Variants in TTC17 observed in about 807,000 individuals in gnomAD.
TTC17 encodes tetratricopeptide repeat protein 17.
Under a neutral mutation model 143.8 loss-of-function variants are expected in TTC17, and 58 were observed. The observed-to-expected ratio is 0.40, with a 90% CI of 0.33 to 0.50. TTC17 has a LOEUF of 0.50. TTC17 is among the 20% of genes least tolerant of loss of function. The pLI is 0.49. For synonymous variants in TTC17, 501 were observed against 497.8 expected (o/e 1.01, Z -0.09); for missense variants, 1,273 against 1,392.5 (o/e 0.91, Z 1.37).
At chr11:43,447,647 T>C in intron 18 of TTC17, 1 of 176,454 alleles carries the variant, frequency 5.7e-6, no homozygotes, top group Non-Finnish European at 1.2e-5. Flanking sequence ...ATGTTTCTAC[T>C]AAGTTGGAGT....
intron 2 of TTC17, among the ~76,000 whole-genome samples, chr11:43,389,192 C>G (rs571588322): frequency 1.3e-5 from 2 of 150,888 alleles, no homozygotes; most frequent in Non-Finnish European, 2.9e-5. Flanking sequence ...ATGATAGATA[C>G]GGGTGGTGAA....
In TTC17 at chr11:43,444,070, C is replaced by G; in HGVS notation, c.2526C>G (p.Val842=). The change falls in exon 18 of 24, where the codon GTC becomes GTG. Residue 842 remains valine, a synonymous_variant. Coordinates refer to ENST00000039989, the MANE Select transcript of TTC17 (RefSeq NM_018259.6). ...DEATEWITFQ[V]KRVKKPKGDH... is the part of the protein sequence containing the mutation. Reference sequence around the variant, plus strand: ...CTGTTTCCCAGATTACATTCCAGGTCAAACGTGTAAAGAAACCCAAAGGAG... The same window carrying G: ...CTGTTTCCCAGATTACATTCCAGGTGAAACGTGTAAAGAAACCCAAAGGAG... 1.2e-6 allele frequency: 2 copies of G among 1,607,698 alleles called. No individual in the cohort carries two copies. The highest frequency in any genetic ancestry group is 2.2e-5 in the South Asian group (2 of 89,198).
At chr11:43,376,523 A>G (rs977831836) in intron 1 of TTC17, among the ~76,000 whole-genome samples, 1 of 152,240 alleles carries the variant, frequency 6.6e-6, no homozygotes, top group Non-Finnish European at 1.5e-5. Flanking sequence ...TGAAAAAGCC[A>G]TAAAGTGCTT....
At chr11:43,400,861 A>G (rs990089093) in intron 9 of TTC17, among the ~76,000 whole-genome samples, 1 of 152,218 alleles carries the variant, frequency 6.6e-6, no homozygotes, top group East Asian at 1.9e-4. Context: ...TGACAACTCA[A>G]TAACAGAGAA....
intron 21 of TTC17, among the ~76,000 whole-genome samples, chr11:43,457,925 T>C (rs1477904982): frequency 6.6e-6 from 1 of 151,936 alleles, no homozygotes; most frequent in East Asian, 1.9e-4. Flanking sequence ...TGTTCCAAAA[T>C]GGATGAAAGG....
intron 21 of TTC17, chr11:43,489,915 A>T (rs928144910): frequency 1.8e-5 from 3 of 165,624 alleles, no homozygotes; most frequent in African/African-American, 7.1e-5. Context: ...TGACTGTGTT[A>T]CCTATTCAGA....
At chr11:43,408,916 A>G (rs1858272055) in intron 15 of TTC17, among the ~76,000 whole-genome samples, 2 of 151,524 alleles carry the variant, frequency 1.3e-5, no homozygotes, top group African/African-American at 4.9e-5. Flanking sequence ...TGAATTTTGT[A>G]TTTTTTTGTA....
rs143793980 is a variant in TTC17, at chr11:43,485,530, TAAAG to T, written c.3031-4704_3031-4701del. On this transcript the variant is annotated intron_variant, in intron 21 of 23. Transcript: ENST00000039989. ...TATATTAAAGTTTAATTGTTTTAAT[TAAAG>T]AAAGGCAGGCCAGGGAGAAAACATG... Among the ~76,000 whole-genome samples, 56 of 152,280 alleles carry T rather than the reference TAAAG, an allele frequency of 3.7e-4. 1 individual carries two copies. The South Asian group carries it at 5.8e-3, about 16-fold the overall frequency.
At chr11:43,366,671 A>G (rs1214665359) in intron 1 of TTC17, among the ~76,000 whole-genome samples, 2 of 152,170 alleles carry the variant, frequency 1.3e-5, no homozygotes, top group Admixed American at 6.5e-5. Flanking sequence ...ATCCCAGGAT[A>G]TGGTCCAAAC....
chr11:43,366,174 C>A (rs911785048), intron 1 of TTC17, among the ~76,000 whole-genome samples: 6 of 151,980 alleles, frequency 3.9e-5, no homozygotes, highest in African/African-American at 9.7e-5. Flanking sequence ...TTAGCCATCA[C>A]CAAGATCTTT....
At chr11:43,407,101 A>G in intron 13 of TTC17, 37 bp from the exon 14 acceptor site, 6 of 1,427,862 alleles carry the variant, frequency 4.2e-6, no homozygotes, top group Non-Finnish European at 5.7e-6. Flanking sequence ...CTTCCCTGTT[A>G]TTTTCAATTG....
chr11:43,485,080 A>G (rs1185655868), intron 21 of TTC17, among the ~76,000 whole-genome samples: 2 of 152,042 alleles, frequency 1.3e-5, no homozygotes. Flanking sequence ...ATTATTTCAC[A>G]GTGTAATAAT....
chr11:43,397,043 T>TGTAGATG, intron 6 of TTC17: 2 of 462,340 alleles, frequency 4.3e-6, no homozygotes, highest in East Asian at 6.1e-5. Context: ...GGAAAAAATA[T>TGTAGATG]GTAGATGCCC....
rs1029224777 is a variant in TTC17, at chr11:43,450,348, G to A, written c.2946+107G>A. ...CCGGGCCTTTTAAAAAAAAATAGGG[G>A]CTTTTTTCAGTTAGGCATCACCTAG... On this transcript the variant is annotated intron_variant, in intron 20 of 23. Transcript: ENST00000039989. 9.1e-6 allele frequency: 12 copies of A among 1,315,950 alleles called. No individual in the cohort carries two copies. The African/African-American group carries it at 1.5e-4, about 17-fold the overall frequency. 81.5% of individuals were successfully genotyped at this position (1,315,950 alleles called of 1,614,324 possible).
At chr11:43,452,699 G>A (rs1003602782) in intron 21 of TTC17, among the ~76,000 whole-genome samples, 9 of 152,148 alleles carry the variant, frequency 5.9e-5, no homozygotes, top group Non-Finnish European at 1.3e-4. Context: ...CACTTTGGTG[G>A]ACAAGGCAGG....
At chr11:43,393,615 G>C (rs970315978) in intron 5 of TTC17, among the ~76,000 whole-genome samples, 4 of 152,174 alleles carry the variant, frequency 2.6e-5, no homozygotes, top group African/African-American at 7.2e-5. Context: ...CTCCCCGAAG[G>C]ACAGGGGGAG....
chr11:43,400,978 T>C (rs1316747620), intron 9 of TTC17, among the ~76,000 whole-genome samples: 1 of 152,252 alleles, frequency 6.6e-6, no homozygotes, highest in Non-Finnish European at 1.5e-5. Context: ...TAGTTTATTT[T>C]ACAATTCCCT....
chr11:43,457,493 G>C (rs971630018), intron 21 of TTC17, among the ~76,000 whole-genome samples: 2 of 151,842 alleles, frequency 1.3e-5, no homozygotes, highest in Non-Finnish European at 2.9e-5. Flanking sequence ...CAGACAATAG[G>C]AGTAGATTTA....
intron 2 of TTC17, among the ~76,000 whole-genome samples, chr11:43,389,439 T>A (rs1565139178): frequency 1.3e-5 from 2 of 152,170 alleles, no homozygotes; most frequent in Non-Finnish European, 2.9e-5. Flanking sequence ...TGTGTCAGTA[T>A]GATAAATGTT....
Sources: allele counts gnomAD v4.1 joint callset (sites outside exome capture counted in the v4.1 genomes callset), GRCh38; gene constraint gnomAD v4.1.1; transcripts MANE v1.5; gene names NCBI Gene and HGNC (gene_info 2026-07-23, HGNC 2026-07-21).